TEX11: variants seen among roughly 807,000 people sequenced by gnomAD.
The protein encoded by TEX11 is testis-expressed protein 11.
In TEX11, 7 loss-of-function variants were observed where a neutral mutation model predicts 84.4. That is an observed-to-expected ratio of 0.08 (90% CI 0.05 to 0.16). TEX11 has a LOEUF of 0.16. Among genes scored for constraint, TEX11 ranks in the 10% least tolerant of loss-of-function variants. The probability of loss-of-function intolerance (pLI) is 1.00; values close to 1 mark genes in which losing one functional copy is unlikely to be tolerated. For synonymous variants in TEX11, 264 were observed against 222.8 expected (o/e 1.18, Z -1.64); for missense variants, 551 against 660.5 (o/e 0.83, Z 1.82).
At chrX:70,766,688 G>T (rs765914828) in intron 9 of TEX11, among the ~76,000 whole-genome samples, 1 of 110,984 alleles carries the variant, frequency 9.0e-6, no homozygotes, top group Admixed American at 9.6e-5. Context: ...TAAGCGAAAA[G>T]AACAAATCTG....
At chrX:70,590,008 T>C (rs6525383) in intron 25 of TEX11, among the ~76,000 whole-genome samples, 46,627 of 110,943 alleles carry the variant, frequency 0.42, 8,225 homozygotes, top group East Asian at 0.6. Context: ...TTTTGCATTG[T>C]GATCAGACGA....
chrX:70,887,126 G>A (rs1025672771), intron 2 of TEX11, among the ~76,000 whole-genome samples: 24 of 111,775 alleles, frequency 2.1e-4, no homozygotes, highest in Admixed American at 9.5e-5. Context: ...TACCAGGTCT[G>A]TATCCTTCCC....
At chrX:70,710,593 G>A (rs1425864418) in intron 13 of TEX11, among the ~76,000 whole-genome samples, 3 of 106,481 alleles carry the variant, frequency 2.8e-5, no homozygotes, top group Non-Finnish European at 5.8e-5. Flanking sequence ...ATACTACTCT[G>A]AGAATGAGCC....
rs781443159 is a variant in TEX11 at position 70,862,509 on chromosome X, AC to A, written c.245-1574del. ...TCATAAAGTGTAAAATTTATTCATC[AC>A]TTAACAAAATTAATTCATTCTAAAA... On this transcript the variant is annotated intron_variant, in intron 4 of 29. Coordinates refer to ENST00000374333, the MANE Select transcript of TEX11 (RefSeq NM_031276.3). Among the ~76,000 whole-genome samples the A allele has an allele frequency of 4.9e-3, 551 of 111,757 alleles. 2 individuals carry two copies. Among genetic ancestry groups the A allele is most frequent in the Non-Finnish European group, 6.3e-3 (334 of 53,185 alleles).
At chrX:70,517,344 T>G in the TEX11 span, among the ~76,000 whole-genome samples, 1 of 112,174 alleles carries the variant, frequency 8.9e-6, no homozygotes, top group African/African-American at 3.2e-5. Context: ...GCTGTTGAAT[T>G]TTGTCAAAGG....
chrX:70,569,098 T>C (rs1249008043), intron 25 of TEX11, among the ~76,000 whole-genome samples: 5 of 111,538 alleles, frequency 4.5e-5, no homozygotes, highest in African/African-American at 1.3e-4. Flanking sequence ...GGAGGCTTTG[T>C]TCATTTCTTT....
intron 28 of TEX11, among the ~76,000 whole-genome samples, chrX:70,539,035 TATA>T (rs2088000012): frequency 4.2e-5 from 1 of 23,866 alleles, no homozygotes; most frequent in African/African-American, 1.1e-4. Flanking sequence ...TATATATATA[TATA>T]TTTTTTTTTT....
At chrX:70,739,475 G>A (rs921180430) in intron 11 of TEX11, among the ~76,000 whole-genome samples, 7 of 103,403 alleles carry the variant, frequency 6.8e-5, no homozygotes, top group Non-Finnish European at 1.2e-4. Flanking sequence ...GCAGTGGTGC[G>A]ATCTCGGCTC....
At chrX:70,586,732 C>A (rs1603106953) in intron 25 of TEX11, among the ~76,000 whole-genome samples, 2 of 111,653 alleles carry the variant, frequency 1.8e-5, no homozygotes, top group Admixed American at 1.9e-4. Context: ...TGTAAAATGG[C>A]GAGAATGGAC....
intron 8 of TEX11, among the ~76,000 whole-genome samples, chrX:70,809,262 G>A (rs4240819): frequency 0.29 from 32,197 of 111,167 alleles, 3,815 homozygotes; most frequent in African/African-American, 0.43. Flanking sequence ...ATACTAAGTA[G>A]TCAGGAAAAC....
intron 13 of TEX11, among the ~76,000 whole-genome samples, chrX:70,718,345 A>T (rs2090525568): frequency 8.9e-6 from 1 of 112,515 alleles, no homozygotes; most frequent in African/African-American, 3.2e-5. Context: ...TGCAATTGTG[A>T]ATACGTAGTT....
At position 70,744,218 on chromosome X, in the gene TEX11, G is replaced by C; in HGVS notation, c.694C>G (p.Gln232Glu). 1.1e-6 allele frequency: 1 copy of C among 925,290 alleles called. No individual in the cohort carries two copies. The highest frequency in any genetic ancestry group is 1.4e-6 in the Non-Finnish European group (1 of 733,669). The allele number at this position is 925,290 out of a possible 1,213,427, so 76.3% of individuals were successfully genotyped here. A position where few individuals can be genotyped will look rare whatever the true frequency, so the allele number is the denominator to read the frequency against. The change falls in exon 10 of 30, where the codon CAA becomes GAA. Residue 232 changes from glutamine (Q) to glutamate (E), a missense_variant and splice_region_variant. Coordinates refer to ENST00000374333, the MANE Select transcript of TEX11 (RefSeq NM_031276.3). ...KYEESSFWLS[Q>E]SYDIGKMDKK... ...TCCATCTTCCCAATATCATAGCTTT[G>C]GCTATCATTAAAAAGGAAAAAAAAT...
At chrX:70,542,742 T>C (rs754569948) in intron 28 of TEX11, among the ~76,000 whole-genome samples, 1 of 112,033 alleles carries the variant, frequency 8.9e-6, no homozygotes, top group South Asian at 3.7e-4. Flanking sequence ...CAGTGAATAA[T>C]GAATGAGTGA....
At chrX:70,688,900 C>T (rs1186093558) in intron 13 of TEX11, among the ~76,000 whole-genome samples, 1 of 107,877 alleles carries the variant, frequency 9.3e-6, no homozygotes, top group Non-Finnish European at 1.9e-5. Context: ...GGAACAACTT[C>T]ACTAAAGGAA....
chrX:70,894,623 TAA>T (rs756394243), intron 2 of TEX11, among the ~76,000 whole-genome samples: 18 of 94,472 alleles, frequency 1.9e-4, no homozygotes, highest in East Asian at 1.3e-3. Flanking sequence ...AGACTCCGTC[TAA>T]AAAAAAAAAA....
intron 18 of TEX11, 143 bp downstream of exon 18, chrX:70,629,468 T>C (rs1247191221): frequency 3.2e-6 from 2 of 622,642 alleles, no homozygotes; most frequent in Non-Finnish European, 4.9e-6. Flanking sequence ...AATAAAGCAG[T>C]TCTGCAACCA....
chrX:70,624,054 C>T, intron 19 of TEX11, 48 bp from the exon 20 acceptor site: 1 of 1,069,038 alleles, frequency 9.4e-7, no homozygotes, highest in South Asian at 2.1e-5. Flanking sequence ...TAGGAAGAAA[C>T]ATGTGTGAAT....
intron 2 of TEX11, among the ~76,000 whole-genome samples, chrX:70,901,148 G>A (rs1349987231): frequency 1.8e-5 from 2 of 110,789 alleles, no homozygotes; most frequent in Non-Finnish European, 1.9e-5. Flanking sequence ...GGAGGATAGC[G>A]CCACTGCACT....
intron 9 of TEX11, among the ~76,000 whole-genome samples, chrX:70,759,127 T>C (rs766494484): frequency 4.5e-5 from 5 of 111,397 alleles, no homozygotes; most frequent in Admixed American, 9.6e-5. Context: ...ATAATTAATA[T>C]AGCCTACCAA....
Sources: allele counts gnomAD v4.1 joint callset (sites outside exome capture counted in the v4.1 genomes callset), GRCh38; gene constraint gnomAD v4.1.1; transcripts MANE v1.5; gene names NCBI Gene and HGNC (gene_info 2026-07-23, HGNC 2026-07-21).